Variants in ZNF793 observed in about 807,000 individuals in gnomAD.
The protein encoded by ZNF793 is zinc finger protein 793.
Under a neutral mutation model 12.4 loss-of-function variants are expected in ZNF793, and 5 were observed. The ratio of observed to expected loss-of-function variants is 0.40; its 90% CI spans 0.21 to 0.84. The LOEUF (loss-of-function observed/expected upper bound fraction) is 0.84, where lower values mean the gene tolerates loss of function less well. Among genes scored for constraint, ZNF793 ranks in the 40% least tolerant of loss-of-function variants. The probability of loss-of-function intolerance (pLI) is 0.35; values close to 1 mark genes in which losing one functional copy is unlikely to be tolerated. For synonymous variants in ZNF793, 162 were observed against 172.4 expected (o/e 0.94, Z 0.47); for missense variants, 456 against 495.0 (o/e 0.92, Z 0.75).
intron 2 of ZNF793, among the ~76,000 whole-genome samples, chr19:37,511,954 T>C (rs1006645275): frequency 1.7e-4 from 26 of 151,922 alleles, no homozygotes; most frequent in African/African-American, 5.8e-4. Context: ...AAAAAGAGCC[T>C]CTCTAGAGGC....
chr19:37,537,413 A>G lies in ZNF793; in HGVS notation c.755A>G (p.Glu252Gly). Residue 252 changes from glutamate (E) to glycine (G), a missense_variant, in exon 8 of 8, where the codon GAG (glutamate) becomes GGG (glycine). Coordinates refer to ENST00000627814, the MANE Select transcript of ZNF793 (RefSeq NM_001013659.3). ...FIRHQRSHTG[E>G]KPYGCTDCGK... ...AGGCATCAGAGAAGTCACACTGGGG[A>G]GAAGCCTTATGGCTGCACTGACTGT... is the stretch of plus-strand genomic sequence containing the variant. 1 of 1,613,172 alleles carries G rather than the reference A, an allele frequency of 6.2e-7. No homozygotes were observed. Among genetic ancestry groups the G allele is most frequent in the Non-Finnish European group, 8.5e-7 (1 of 1,179,430 alleles).
chr19:37,510,651 C>T (rs1431701115), intron 2 of ZNF793, among the ~76,000 whole-genome samples: 1 of 150,974 alleles, frequency 6.6e-6, no homozygotes, highest in Admixed American at 6.6e-5. Context: ...GCCACTGCAC[C>T]CTAGCCTGGG....
At position 37,540,083 on chromosome 19, in the gene ZNF793, T is replaced by C. The variant is rs1364778888; in HGVS notation, c.*2204T>C. The C allele has an allele frequency of 6.6e-6, 1 of 151,732 alleles. No individual in the cohort carries two copies. Among genetic ancestry groups the C allele is most frequent in the Admixed American group, 6.6e-5 (1 of 15,238 alleles). 9.4% of individuals were successfully genotyped at this position (151,732 alleles called of 1,614,324 possible). A position where few individuals can be genotyped will look rare whatever the true frequency, so the allele number is the denominator to read the frequency against. ...GGATCATGAGGTCAGAAGTTCGAGA[T>C]GGTGAAACCCCATCTCTACTAAAAA... On this transcript the variant is annotated 3_prime_UTR_variant, in exon 8 of 8. Transcript: ENST00000627814.
At chr19:37,533,486 C>A in intron 7 of ZNF793, 83 bp downstream of exon 7, 2 of 1,211,838 alleles carry the variant, frequency 1.7e-6, no homozygotes, top group Non-Finnish European at 2.4e-6. Context: ...CTCTTAAAAG[C>A]CTTGAAAGTC....
chr19:37,509,592 C>CAGAT (rs2042277244), intron 2 of ZNF793, among the ~76,000 whole-genome samples: 1 of 149,106 alleles, frequency 6.7e-6, no homozygotes, highest in African/African-American at 2.5e-5. Context: ...GAATCAAAGA[C>CAGAT]AGATAGCTGC....
At position 37,538,087 on chromosome 19, in the gene ZNF793, T is replaced by C; in HGVS notation, c.*208T>C. 2 of 510,218 alleles carry C rather than the reference T, an allele frequency of 3.9e-6. No homozygotes were observed. The highest frequency in any genetic ancestry group is 1.9e-5 in the African/African-American group (1 of 51,590). The allele number at this position is 510,218 out of a possible 1,614,324, so 31.6% of individuals were successfully genotyped here. A position where few individuals can be genotyped will look rare whatever the true frequency, so the allele number is the denominator to read the frequency against. The stretch of plus-strand genomic sequence containing the variant: ...CCACCATGCCCGGCTAATTTTTTTT[T>C]TGTATTTTTAGTAGAGACGGGGTTT... On this transcript the variant is annotated 3_prime_UTR_variant, in exon 8 of 8. Coordinates refer to ENST00000627814, the MANE Select transcript of ZNF793 (RefSeq NM_001013659.3).
intron 2 of ZNF793, among the ~76,000 whole-genome samples, chr19:37,518,503 G>T (rs1232255224): frequency 2.0e-5 from 3 of 151,662 alleles, no homozygotes; most frequent in Non-Finnish European, 4.4e-5. Flanking sequence ...TCTTTTAATT[G>T]CTGGGACAGG....
At chr19:37,530,980 T>C (rs1600418657) in intron 5 of ZNF793, among the ~76,000 whole-genome samples, 1 of 152,328 alleles carries the variant, frequency 6.6e-6, no homozygotes, top group South Asian at 2.1e-4. Flanking sequence ...CCTCACATTA[T>C]GATTTTAGTG....
At position 37,537,774 on chromosome 19, in the gene ZNF793, T is replaced by G. The variant is rs1258462889; in HGVS notation, c.1116T>G (p.Cys372Trp). 6.2e-7 allele frequency: 1 copy of G among 1,614,054 alleles called. No homozygotes were observed. The highest frequency in any genetic ancestry group is 8.5e-7 in the Non-Finnish European group (1 of 1,179,980). Residue 372 changes from cysteine to tryptophan, a missense_variant, in exon 8 of 8, where the codon TGT becomes TGG. Cys to Trp is a radical substitution (Grantham distance 215, BLOSUM62 -2). Transcript: ENST00000627814. ...TGEKPYGCNE[C>W]GKAFYQKPNL... is the part of the protein sequence containing the mutation. ...AGAAGCCCTATGGGTGCAATGAATG[T>G]GGGAAAGCTTTCTACCAGAAGCCAA...
intron 2 of ZNF793, among the ~76,000 whole-genome samples, chr19:37,515,382 A>C (rs974244285): frequency 1.4e-4 from 21 of 150,772 alleles, no homozygotes; most frequent in African/African-American, 5.1e-4. Flanking sequence ...ATCTCAGCTC[A>C]CTGCAAGCTC....
chr19:37,516,732 C>T (rs2042335605), intron 2 of ZNF793, among the ~76,000 whole-genome samples: 1 of 152,168 alleles, frequency 6.6e-6, no homozygotes, highest in East Asian at 1.9e-4. Context: ...CTGTAACCTC[C>T]ACCTCCCAGG....
chr19:37,522,875 T>C (rs903215304), intron 4 of ZNF793, among the ~76,000 whole-genome samples: 7 of 152,190 alleles, frequency 4.6e-5, no homozygotes, highest in African/African-American at 1.7e-4. Flanking sequence ...GTTACTTCTT[T>C]TCCTTTTATA....
intron 7 of ZNF793, 69 bp from the exon 8 acceptor site, chr19:37,536,828 T>C: frequency 1.3e-6 from 2 of 1,496,676 alleles, no homozygotes; most frequent in Non-Finnish European, 1.8e-6. Context: ...CTGTGCACTC[T>C]TTAAATTTTG....
At chr19:37,511,059 G>T (rs1310660640) in intron 2 of ZNF793, among the ~76,000 whole-genome samples, 1 of 152,032 alleles carries the variant, frequency 6.6e-6, no homozygotes, top group Non-Finnish European at 1.5e-5. Context: ...TATCTTTAAG[G>T]TGCAGCTCAA....
chr19:37,520,660 A>G (rs1348462592), intron 3 of ZNF793, among the ~76,000 whole-genome samples: 2 of 152,074 alleles, frequency 1.3e-5, no homozygotes, highest in Non-Finnish European at 2.9e-5. Flanking sequence ...AGAAGGGGGC[A>G]TCTTTCTAGC....
At chr19:37,523,003 G>T (rs144497812) in intron 4 of ZNF793, among the ~76,000 whole-genome samples, 12 of 152,046 alleles carry the variant, frequency 7.9e-5, no homozygotes, top group Non-Finnish European at 1.6e-4. Context: ...GAGATAAAGG[G>T]TATTTATTTG....
At chr19:37,519,757 A>C (rs1393381054) in intron 2 of ZNF793, among the ~76,000 whole-genome samples, 2 of 152,202 alleles carry the variant, frequency 1.3e-5, no homozygotes, top group African/African-American at 2.4e-5. Flanking sequence ...AGAAGGGTAA[A>C]ATAATAAATA....
chr19:37,542,035 A>T lies in ZNF793; in HGVS notation c.*4156A>T, dbSNP rs567060299. The T allele has an allele frequency of 1.3e-5, 2 of 153,682 alleles. No individual in the cohort carries two copies. Among genetic ancestry groups the T allele is most frequent in the South Asian group, 4.1e-4 (2 of 4,938 alleles). 9.5% of individuals were successfully genotyped at this position (153,682 alleles called of 1,614,324 possible). A position where few individuals can be genotyped will look rare whatever the true frequency, so the allele number is the denominator to read the frequency against. On this transcript the variant is annotated 3_prime_UTR_variant, in exon 8 of 8. Coordinates refer to ENST00000627814, the MANE Select transcript of ZNF793 (RefSeq NM_001013659.3). ...TTTAGCTATCAGAACAAAAGATGTT[A>T]CACACTGCTGGTGGAGAAATAAATT...
chr19:37,521,054 C>T (rs2042371191), intron 3 of ZNF793, among the ~76,000 whole-genome samples: 1 of 150,898 alleles, frequency 6.6e-6, no homozygotes, highest in African/African-American at 2.4e-5. Flanking sequence ...GTGGCACATT[C>T]TCGGCTCACT....
Sources: allele counts gnomAD v4.1 joint callset (sites outside exome capture counted in the v4.1 genomes callset), GRCh38; gene constraint gnomAD v4.1.1; transcripts MANE v1.5; gene names NCBI Gene and HGNC (gene_info 2026-07-23, HGNC 2026-07-21).